The following ACP3 variants were observed in gnomAD, a reference collection of about 807,000 sequenced individuals.
The protein encoded by ACP3 is acid phosphatase 3.
ACP3 carries 38 observed loss-of-function variants against 45.6 expected under a neutral mutation model. The ratio of observed to expected loss-of-function variants is 0.83; its 90% CI spans 0.64 to 1.09. The LOEUF is 1.09. Among genes scored for constraint, ACP3 ranks in the 50% least tolerant of loss-of-function variants. The pLI, the probability that ACP3 is intolerant of heterozygous loss-of-function variation, is 0.00. For synonymous variants in ACP3, 162 were observed against 164.7 expected, an observed-to-expected ratio of 0.98 and a Z score of 0.13; for missense variants, 466 against 463.2, an observed-to-expected ratio of 1.01 and a Z score of -0.05.
chr3:132,361,578 A>T (rs1938041183), downstream of ACP3, among the ~76,000 whole-genome samples: 3 of 152,214 alleles, frequency 2.0e-5, no homozygotes, highest in Admixed American at 6.5e-5. Context: ...CGATGAATGT[A>T]GACATTTTAT....
intron 5 of ACP3, among the ~76,000 whole-genome samples, chr3:132,339,447 A>AGGCCCCAAAACTGGCC (rs1214777519): frequency 6.6e-6 from 1 of 152,226 alleles, no homozygotes; most frequent in African/African-American, 2.4e-5. Context: ...TTGAGGGCTC[A>AGGCCCCAAAACTGGCC]GGCCCCAAAA....
chr3:132,355,403 G>A (rs552384709), intron 9 of ACP3, among the ~76,000 whole-genome samples: 59 of 152,252 alleles, frequency 3.9e-4, no homozygotes, highest in Non-Finnish European at 7.8e-4. Flanking sequence ...TACTGAAAAA[G>A]TTATTCCAAG....
At chr3:132,352,261 G>T (rs1342203207) in intron 8 of ACP3, among the ~76,000 whole-genome samples, 1 of 151,842 alleles carries the variant, frequency 6.6e-6, no homozygotes, top group Non-Finnish European at 1.5e-5. Flanking sequence ...GCAGTGGCAC[G>T]ATCTTGGCTC....
rs1937594322 is a variant in ACP3, at chr3:132,345,058, G to A, written c.780G>A (p.Gly260=). 1.2e-6 allele frequency: 2 copies of A among 1,612,590 alleles called. No individual in the cohort carries two copies. The highest frequency in any genetic ancestry group is 1.1e-5 in the South Asian group (1 of 91,032). Residue 260 remains glycine (G), a splice_region_variant and synonymous_variant, in exon 7 of 10, where the codon GGG becomes GGA. Coordinates refer to ENST00000336375, the MANE Select transcript of ACP3 (RefSeq NM_001099.5). The stretch of plus-strand genomic sequence containing the variant: ...AGAAAGAGAAATCTAGGCTCCAAGG[G>A]GGTAAGTATTAAAAAATGAGAGGAG... ...HKQKEKSRLQ[G]GVLVNEILNH... is the part of the protein sequence containing the mutation.
chr3:132,346,603 C>A (rs1273904163), intron 7 of ACP3, among the ~76,000 whole-genome samples: 40 of 152,112 alleles, frequency 2.6e-4, no homozygotes, highest in Non-Finnish European at 3.4e-4. Context: ...TGGGCAGAAC[C>A]CAGGAAGAAG....
At chr3:132,322,489 C>T (rs564330214) in intron 1 of ACP3, among the ~76,000 whole-genome samples, 1 of 152,284 alleles carries the variant, frequency 6.6e-6, no homozygotes, top group South Asian at 2.1e-4. Context: ...TCATAGTTAT[C>T]TTTGTGCATC....
At chr3:132,361,625 A>T (rs951033284), downstream of ACP3, among the ~76,000 whole-genome samples, 3 of 152,290 alleles carry the variant, frequency 2.0e-5, no homozygotes, top group Middle Eastern at 3.4e-3. Context: ...TTTCTTGGTA[A>T]ATGTATTCAC....
chr3:132,322,080 T>G (rs1252793195), intron 1 of ACP3, among the ~76,000 whole-genome samples: 1 of 152,174 alleles, frequency 6.6e-6, no homozygotes, highest in Non-Finnish European at 1.5e-5. Context: ...AATGTTAAGT[T>G]AAATCATTTT....
At chr3:132,343,115 G>A (rs988989902) in intron 6 of ACP3, among the ~76,000 whole-genome samples, 1 of 152,148 alleles carries the variant, frequency 6.6e-6, no homozygotes, top group Non-Finnish European at 1.5e-5. Context: ...CTTGCTTTGC[G>A]ATGCATTTGA....
rs576499439 is a variant in ACP3, at chr3:132,320,122, G to A, written c.120+2546G>A. Among the ~76,000 whole-genome samples, 18 of 152,258 alleles carry A rather than the reference G, an allele frequency of 1.2e-4. No homozygotes were observed. In the South Asian group the frequency reaches 3.7e-3, roughly 32 times the overall value. ...ACTGTGTTTAAAAGGTCTCTTTAAT[G>A]CAGTAATCCTAAGTCTTTAACATGC... On this transcript the variant is annotated intron_variant, in intron 1 of 9. Transcript: ENST00000336375.
intron 10 of ACP3, among the ~76,000 whole-genome samples, chr3:132,366,886 G>T (rs1480220073): frequency 6.6e-6 from 1 of 152,102 alleles, no homozygotes; most frequent in Non-Finnish European, 1.5e-5. Flanking sequence ...TAATGATAAT[G>T]TCAGGTGAAA....
chr3:132,362,378 T>G (rs1437545684), downstream of ACP3, among the ~76,000 whole-genome samples: 1 of 152,186 alleles, frequency 6.6e-6, no homozygotes, highest in African/African-American at 2.4e-5. Flanking sequence ...ATAGGATTGG[T>G]GGGTCAAGAT....
At chr3:132,343,487 T>C (rs377518128) in intron 6 of ACP3, among the ~76,000 whole-genome samples, 2 of 152,228 alleles carry the variant, frequency 1.3e-5, no homozygotes, top group South Asian at 2.1e-4. Context: ...TGTAAAAGAC[T>C]CTTCAGTGAA....
chr3:132,331,591 A>C (rs1216454350), intron 2 of ACP3, 56 bp from the exon 3 acceptor site: 3 of 1,357,260 alleles, frequency 2.2e-6, no homozygotes, highest in African/African-American at 3.0e-5. Context: ...TTTTTATGAT[A>C]GTGTGATTCA....
At chr3:132,317,749 C>T (rs1041092960) in intron 1 of ACP3, among the ~76,000 whole-genome samples, 173 bp downstream of exon 1, 6 of 152,194 alleles carry the variant, frequency 3.9e-5, no homozygotes, top group Admixed American at 1.3e-4. Context: ...GAAGACCTAA[C>T]GTGTCCTAAC....
In ACP3 at chr3:132,366,980, T is replaced by C. The variant is rs565942555; in HGVS notation, c.1139-724T>C. 5.3e-5 allele frequency among the ~76,000 whole-genome samples: 8 copies of C among 152,312 alleles called. No individual in the cohort carries two copies. The South Asian group carries it at 1.7e-3, about 32-fold the overall frequency. On this transcript the variant is annotated intron_variant, in intron 10 of 10. Coordinates refer to the ACP3 transcript ENST00000351273. ...GATCAGAGGGATGTTTGCTCTCCTA[T>C]TGCCTAAGCCAACAAGAAACCCTAT...
chr3:132,356,967 T>G lies in ACP3; in HGVS notation c.*89T>G. 1 of 1,476,070 alleles carries G rather than the reference T, an allele frequency of 6.8e-7. No homozygotes were observed. Among genetic ancestry groups the G allele is most frequent in the Admixed American group, 2.6e-5 (1 of 38,308 alleles). 91.4% of individuals were successfully genotyped at this position (1,476,070 alleles called of 1,614,324 possible). On this transcript the variant is annotated 3_prime_UTR_variant, in exon 10 of 10. Transcript: ENST00000336375. ...ACATACTTTGGCCATTACCCCCAGC[T>G]TTGAGGAAAATGGGCTTTGGATGAT...
intron 7 of ACP3, among the ~76,000 whole-genome samples, chr3:132,346,410 T>C (rs1937609316): frequency 6.6e-6 from 1 of 151,934 alleles, no homozygotes; most frequent in Non-Finnish European, 1.5e-5. Context: ...AGATCTGCTA[T>C]TACAAAAATC....
chr3:132,325,080 T>C (rs1937274164), intron 1 of ACP3, among the ~76,000 whole-genome samples: 1 of 152,216 alleles, frequency 6.6e-6, no homozygotes, highest in Non-Finnish European at 1.5e-5. Flanking sequence ...GAGGTAATAA[T>C]TGGTAGAGCA....
Sources: gnomAD v4.1 joint callset for allele counts (sites outside exome capture counted in the v4.1 genomes callset) on GRCh38, gnomAD v4.1.1 for gene constraint, MANE v1.5 for transcripts, NCBI Gene and HGNC (gene_info 2026-07-23, HGNC 2026-07-21) for gene names.